KCNB2: variants seen among roughly 807,000 people sequenced by gnomAD.
KCNB2 encodes potassium voltage-gated channel subfamily B member 2, also known as delayed rectifier potassium channel protein.
KCNB2 carries 15 observed loss-of-function variants against 61.5 expected under a neutral mutation model. The observed-to-expected ratio is 0.24, with a 90% CI of 0.16 to 0.38. The LOEUF is 0.38. Among genes scored for constraint, KCNB2 ranks in the 10% least tolerant of loss-of-function variants. The pLI, the probability that KCNB2 is intolerant of heterozygous loss-of-function variation, is 1.00. For missense variants in KCNB2, 828 were observed against 1,125.2 expected, an observed-to-expected ratio of 0.74 and a Z score of 3.78; for synonymous variants, 457 against 446.0, an observed-to-expected ratio of 1.02 and a Z score of -0.31.
At position 72,937,047 on chromosome 8, in the gene KCNB2, T is replaced by G; in HGVS notation, c.1692T>G (p.Pro564=). 1 of 1,613,968 alleles carries G rather than the reference T, an allele frequency of 6.2e-7. No individual in the cohort carries two copies. The highest frequency in any genetic ancestry group is 8.5e-7 in the Non-Finnish European group (1 of 1,179,974). The change falls in exon 3 of 3, where the codon CCT becomes CCG. Residue 564 remains proline (P), a synonymous_variant. Transcript: ENST00000523207. ...SHPNPDCQEK[P]ERPSAYEEEI... is the part of the protein sequence containing the mutation. ...CAAACCCAGACTGCCAAGAAAAGCC[T>G]GAGAGGCCATCTGCATATGAAGAAG...
intron 2 of KCNB2, among the ~76,000 whole-genome samples, chr8:72,765,755 G>A (rs553661085): frequency 1.3e-5 from 2 of 152,278 alleles, no homozygotes; most frequent in African/African-American, 4.8e-5. Flanking sequence ...CAGAATCACC[G>A]TGGAGGACTT....
intron 2 of KCNB2, among the ~76,000 whole-genome samples, chr8:72,815,191 T>C (rs1375416625): frequency 6.6e-6 from 1 of 152,120 alleles, no homozygotes; most frequent in Non-Finnish European, 1.5e-5. Flanking sequence ...CTTTTAATAT[T>C]AAGGAAGAAA....
chr8:72,586,605 G>C (rs1349877049), intron 2 of KCNB2, among the ~76,000 whole-genome samples: 1 of 152,170 alleles, frequency 6.6e-6, no homozygotes. Context: ...TACTTTTCAT[G>C]TTATCGTATT....
At chr8:72,571,140 C>T (rs186567645) in intron 2 of KCNB2, among the ~76,000 whole-genome samples, 2 of 152,266 alleles carry the variant, frequency 1.3e-5, no homozygotes, top group East Asian at 1.9e-4. Context: ...TCAGGTGTTG[C>T]ATAACAGGCT....
At chr8:72,753,454 T>G (rs1484420481) in intron 2 of KCNB2, among the ~76,000 whole-genome samples, 1 of 152,224 alleles carries the variant, frequency 6.6e-6, no homozygotes, top group African/African-American at 2.4e-5. Context: ...GCTTATAGTC[T>G]AGTCCAGAAG....
intron 2 of KCNB2, among the ~76,000 whole-genome samples, chr8:72,754,401 A>G (rs1808250440): frequency 6.6e-6 from 1 of 152,216 alleles, no homozygotes; most frequent in African/African-American, 2.4e-5. Flanking sequence ...ACTCCCAGAC[A>G]GTTCCATTGC....
At chr8:72,659,434 C>A (rs1467661298) in intron 2 of KCNB2, among the ~76,000 whole-genome samples, 1 of 152,110 alleles carries the variant, frequency 6.6e-6, no homozygotes, top group Non-Finnish European at 1.5e-5. Context: ...GTTGAAATGA[C>A]AACAAAGAAT....
At chr8:72,736,842 G>T (rs889529786) in intron 2 of KCNB2, among the ~76,000 whole-genome samples, 4 of 152,086 alleles carry the variant, frequency 2.6e-5, no homozygotes, top group African/African-American at 9.7e-5. Context: ...GACCTCAACT[G>T]CTGAGAAATT....
At position 72,561,790 on chromosome 8, in the gene KCNB2, CATAT is replaced by C. The variant is rs11469723; in HGVS notation, c.-93-5841_-93-5838del. On this transcript the variant is annotated intron_variant, in intron 1 of 2. Coordinates refer to ENST00000523207, the MANE Select transcript of KCNB2 (RefSeq NM_004770.3). The stretch of plus-strand genomic sequence containing the variant: ...ATATATATATATGGATATATATATA[CATAT>C]ATATATATATGAATGATAGTTTTTA... 1.7e-4 allele frequency among the ~76,000 whole-genome samples: 7 copies of C among 40,366 alleles called. 1 individual carries two copies. The highest frequency in any genetic ancestry group is 4.4e-4 in the East Asian group (1 of 2,250). The allele number at this position is 40,366 out of a possible 152,430, so 26.5% of individuals were successfully genotyped here. A position where few individuals can be genotyped will look rare whatever the true frequency, so the allele number is the denominator to read the frequency against.
chr8:72,839,001 A>T (rs1651817465), intron 2 of KCNB2, among the ~76,000 whole-genome samples: 1 of 152,184 alleles, frequency 6.6e-6, no homozygotes, highest in Non-Finnish European at 1.5e-5. Flanking sequence ...AGAAATTTTT[A>T]AAATTTTAAT....
chr8:72,656,446 G>C (rs183139930), intron 2 of KCNB2, among the ~76,000 whole-genome samples: 1 of 152,040 alleles, frequency 6.6e-6, no homozygotes, highest in Non-Finnish European at 1.5e-5. Context: ...GTCAACATTC[G>C]AGTCGTAAAT....
At chr8:72,659,835 CATA>C (rs1563551492) in intron 2 of KCNB2, among the ~76,000 whole-genome samples, 1 of 152,140 alleles carries the variant, frequency 6.6e-6, no homozygotes, top group African/African-American at 2.4e-5. Context: ...TTTTATTAGA[CATA>C]ATGCTATTGC....
At chr8:72,813,747 T>G (rs2129000592) in intron 2 of KCNB2, among the ~76,000 whole-genome samples, 2 of 152,326 alleles carry the variant, frequency 1.3e-5, no homozygotes, top group Admixed American at 1.3e-4. Flanking sequence ...CATAGAAACA[T>G]CAGCCCCTTT....
At chr8:72,710,260 T>G (rs1271794151) in intron 2 of KCNB2, among the ~76,000 whole-genome samples, 1 of 152,218 alleles carries the variant, frequency 6.6e-6, no homozygotes, top group Admixed American at 6.5e-5. Context: ...AGGGCAGTTA[T>G]GCCATCTGGG....
At chr8:72,909,193 C>T (rs1020731790) in intron 2 of KCNB2, among the ~76,000 whole-genome samples, 2 of 152,170 alleles carry the variant, frequency 1.3e-5, no homozygotes, top group Middle Eastern at 3.2e-3. Flanking sequence ...AGGGAAGGCA[C>T]AGAGAGCTGT....
At chr8:72,812,641 G>A (rs1809325597) in intron 2 of KCNB2, among the ~76,000 whole-genome samples, 1 of 151,786 alleles carries the variant, frequency 6.6e-6, no homozygotes, top group Non-Finnish European at 1.5e-5. Context: ...TGGGTCTATG[G>A]AGATGACTAT....
At chr8:72,598,804 A>G (rs981367698) in intron 2 of KCNB2, among the ~76,000 whole-genome samples, 4 of 152,002 alleles carry the variant, frequency 2.6e-5, no homozygotes, top group Admixed American at 1.3e-4. Flanking sequence ...TTATACACCA[A>G]TAAGAGACAG....
intron 2 of KCNB2, among the ~76,000 whole-genome samples, chr8:72,642,344 T>A (rs1258930909): frequency 6.6e-6 from 1 of 152,178 alleles, no homozygotes; most frequent in Non-Finnish European, 1.5e-5. Flanking sequence ...TTTTTACTTT[T>A]TAAAAAGATG....
chr8:72,660,440 T>G (rs1806360408), intron 2 of KCNB2: 1 of 152,192 alleles, frequency 6.6e-6, no homozygotes, highest in Non-Finnish European at 1.5e-5. Context: ...CAGATGCTCC[T>G]TTTTCCTTGA....
Sources: allele counts gnomAD v4.1 joint callset (sites outside exome capture counted in the v4.1 genomes callset), GRCh38; gene constraint gnomAD v4.1.1; transcripts MANE v1.5; gene names NCBI Gene and HGNC (gene_info 2026-07-23, HGNC 2026-07-21).